DLG1: variants seen among roughly 807,000 people sequenced by gnomAD.
The protein encoded by DLG1 is discs large MAGUK scaffold protein 1.
A neutral mutation model predicts 123.4 loss-of-function variants in DLG1; 42 were observed. The ratio of observed to expected loss-of-function variants is 0.34; its 90% CI spans 0.27 to 0.44. DLG1 has a LOEUF of 0.44. DLG1 is among the 20% of genes least tolerant of loss of function. DLG1 has a pLI of 1.00. For synonymous variants in DLG1, 317 were observed against 356.2 expected, an observed-to-expected ratio of 0.89 and a Z score of 1.24; for missense variants, 942 against 1,082.6, an observed-to-expected ratio of 0.87 and a Z score of 1.82.
At chr3:197,138,943 A>G (rs1431598843) in intron 8 of DLG1, among the ~76,000 whole-genome samples, 1 of 152,220 alleles carries the variant, frequency 6.6e-6, no homozygotes, top group East Asian at 1.9e-4. Flanking sequence ...AAGGTCACAG[A>G]GATAGTGTGA....
chr3:197,114,968 AG>A (rs1404266882), intron 13 of DLG1, among the ~76,000 whole-genome samples: 3 of 141,132 alleles, frequency 2.1e-5, no homozygotes, highest in Admixed American at 1.5e-4. Flanking sequence ...TGGGCAACAG[AG>A]CGAGACTCCA....
chr3:197,058,683 G>A (rs1313373297), intron 23 of DLG1, among the ~76,000 whole-genome samples: 2 of 152,220 alleles, frequency 1.3e-5, no homozygotes, highest in Non-Finnish European at 2.9e-5. Context: ...TGCAGATGAT[G>A]AGTGCAGTGT....
At chr3:197,107,476 C>T (rs749856027) in intron 13 of DLG1, among the ~76,000 whole-genome samples, 9 of 151,846 alleles carry the variant, frequency 5.9e-5, no homozygotes, top group Non-Finnish European at 1.2e-4. Context: ...AGCTGGGAGG[C>T]GGAGCTTGCA....
chr3:197,151,157 C>T (rs1293080600), intron 5 of DLG1, among the ~76,000 whole-genome samples: 3 of 151,964 alleles, frequency 2.0e-5, no homozygotes, highest in Non-Finnish European at 4.4e-5. Flanking sequence ...TTTTACGTTG[C>T]TAAAAAAATT....
intron 5 of DLG1, chr3:197,161,561 A>C: frequency 1.1e-6 from 1 of 883,708 alleles, no homozygotes; most frequent in Non-Finnish European, 1.6e-6. Flanking sequence ...AAACAGCTCA[A>C]ACAGTTTTAA....
At chr3:197,117,250 T>C (rs192416901) in intron 12 of DLG1, among the ~76,000 whole-genome samples, 111 of 152,264 alleles carry the variant, frequency 7.3e-4, no homozygotes, top group Non-Finnish European at 1.3e-3. Context: ...TATAAAACGG[T>C]GCAGGCACTA....
intron 15 of DLG1, among the ~76,000 whole-genome samples, chr3:197,089,527 T>TAA (rs75041617): frequency 5.3e-4 from 70 of 130,974 alleles, no homozygotes; most frequent in Middle Eastern, 3.8e-3. Flanking sequence ...ACCCTGTCTT[T>TAA]AAAAAAAAAA....
intron 6 of DLG1, among the ~76,000 whole-genome samples, chr3:197,148,390 G>A: frequency 7.5e-6 from 1 of 132,526 alleles, no homozygotes; most frequent in African/African-American, 2.8e-5. Flanking sequence ...CAGCCTGGGT[G>A]ACAGAGTGAA....
At chr3:197,075,897 A>G (rs1057402417) in intron 18 of DLG1, 1 of 1,604,366 alleles carries the variant, frequency 6.2e-7, no homozygotes, top group African/African-American at 1.3e-5. Flanking sequence ...CCAGAGAGCA[A>G]GCAATAAAAA....
chr3:197,195,147 T>C (rs1305358054), intron 4 of DLG1, among the ~76,000 whole-genome samples: 1 of 151,912 alleles, frequency 6.6e-6, no homozygotes, highest in African/African-American at 2.4e-5. Flanking sequence ...GCCTATGGCA[T>C]AAATAAAGAC....
chr3:197,075,899 C>A, intron 18 of DLG1: 1 of 1,601,924 alleles, frequency 6.2e-7, no homozygotes, highest in Non-Finnish European at 8.5e-7. Flanking sequence ...AGAGAGCAAG[C>A]AATAAAAAGA....
rs755832669 is a variant in DLG1 at position 197,282,689 on chromosome 3, G to C, written c.308C>G (p.Pro103Arg). The change falls in exon 4 of 25, where the codon CCT becomes CGT. Residue 103 changes from proline to arginine, a missense_variant. Coordinates refer to ENST00000667157, the MANE Select transcript of DLG1 (RefSeq NM_001366207.1). The part of the protein sequence containing the change: ...TSETLPSSLS[P>R]SVEKYRYQDE... ...CATTTTTTATCTCACCTCTACACTA[G>C]GGCTAAGGCTGCTTGGCAGTGTCTC... is the stretch of plus-strand genomic sequence containing the variant. 9 of 1,588,436 alleles carry C rather than the reference G, an allele frequency of 5.7e-6. No individual in the cohort carries two copies. The Admixed American group carries it at 7.5e-5, about 13-fold the overall frequency.
intron 5 of DLG1, among the ~76,000 whole-genome samples, chr3:197,192,554 A>T (rs1720183449): frequency 1.3e-5 from 2 of 152,050 alleles, no homozygotes; most frequent in Admixed American, 6.5e-5. Context: ...CCAAAAAATC[A>T]GATTTTTTGG....
chr3:197,058,397 A>G lies in DLG1; in HGVS notation c.2483+1492T>C, dbSNP rs181747527. On this transcript the variant is annotated intron_variant, in intron 23 of 24. Coordinates refer to ENST00000667157, the MANE Select transcript of DLG1 (RefSeq NM_001366207.1). ...CTTCAAAGCTGTGTGTATTCCTTCA[A>G]CAAAGCTATGAAAGCCTCCAAACTC... 2.8e-4 allele frequency among the ~76,000 whole-genome samples: 36 copies of G among 128,050 alleles called. No homozygotes were observed. In the East Asian group the frequency reaches 7.9e-3, roughly 28 times the overall value. 84.0% of individuals were successfully genotyped at this position (128,050 alleles called of 152,430 possible). A position where few individuals can be genotyped will look rare whatever the true frequency, so the allele number is the denominator to read the frequency against.
intron 11 of DLG1, among the ~76,000 whole-genome samples, chr3:197,121,416 T>C (rs1776303959): frequency 6.6e-6 from 1 of 152,016 alleles, no homozygotes. Context: ...GTAGAAGAGC[T>C]TGAAGTGAGA....
In DLG1 at chr3:197,229,113, A is replaced by T. The variant is rs148159360; in HGVS notation, c.319-34524T>A. Among the ~76,000 whole-genome samples, 15 of 152,314 alleles carry T rather than the reference A, an allele frequency of 9.8e-5. No individual in the cohort carries two copies. In the East Asian group the frequency reaches 2.9e-3, roughly 29 times the overall value. ...AGCCAGGGATGCTACTAAACATTTT[A>T]TAACAACACACTGGACAGCTTTCCA... On this transcript the variant is annotated intron_variant, in intron 4 of 24. Transcript: ENST00000667157.
intron 17 of DLG1, chr3:197,080,832 C>A (rs1433798776): frequency 1.6e-5 from 6 of 386,540 alleles, no homozygotes; most frequent in Non-Finnish European, 2.8e-5. Flanking sequence ...ATAAGCTTGA[C>A]CCAAAAGTAT....
chr3:197,197,615 G>A (rs1056346501), intron 4 of DLG1, among the ~76,000 whole-genome samples: 1 of 152,166 alleles, frequency 6.6e-6, no homozygotes, highest in African/African-American at 2.4e-5. Flanking sequence ...AATTCCATCA[G>A]GCACTTTTCC....
chr3:197,292,518 G>C (rs1337693473), intron 3 of DLG1, among the ~76,000 whole-genome samples: 1 of 152,200 alleles, frequency 6.6e-6, no homozygotes, highest in African/African-American at 2.4e-5. Context: ...AAAGTGTTCT[G>C]AAGATTTGTT....
Sources: allele counts gnomAD v4.1 joint callset (sites outside exome capture counted in the v4.1 genomes callset), GRCh38; gene constraint gnomAD v4.1.1; transcripts MANE v1.5; gene names NCBI Gene and HGNC (gene_info 2026-07-23, HGNC 2026-07-21).